Variants in HECW2 observed in about 807,000 individuals in gnomAD.
HECW2 encodes HECT, C2 and WW domain containing E3 ubiquitin protein ligase 2.
Under a neutral mutation model 175.2 loss-of-function variants are expected in HECW2, and 61 were observed. The observed-to-expected ratio is 0.35, with a 90% CI of 0.28 to 0.43. HECW2 has a LOEUF of 0.43. HECW2 is among the 20% of genes least tolerant of loss of function. The pLI, the probability that HECW2 is intolerant of heterozygous loss-of-function variation, is 1.00. For synonymous variants in HECW2, 671 were observed against 731.0 expected (o/e 0.92, Z 1.32); for missense variants, 1,524 against 2,000.5 (o/e 0.76, Z 4.54).
chr2:196,522,292 T>C (rs559269804), intron 1 of HECW2, among the ~76,000 whole-genome samples: 13 of 152,366 alleles, frequency 8.5e-5, no homozygotes, highest in Admixed American at 2.6e-4. Flanking sequence ...TTTTGAGAAG[T>C]GTCTGTTCAT....
intron 2 of HECW2, among the ~76,000 whole-genome samples, chr2:196,415,533 C>CTTCCTG (rs144634819): frequency 0.26 from 39,163 of 151,924 alleles, 5,436 homozygotes; most frequent in African/African-American, 0.35. Flanking sequence ...GTGTTTGCTG[C>CTTCCTG]TTCCTGTGGT....
intron 2 of HECW2, among the ~76,000 whole-genome samples, chr2:196,395,295 T>A (rs1327389874): frequency 1.3e-5 from 2 of 152,138 alleles, no homozygotes; most frequent in African/African-American, 2.4e-5. Context: ...TGACATTGGA[T>A]TTGGCAATGA....
At chr2:196,509,719 G>A (rs944579155) in intron 1 of HECW2, among the ~76,000 whole-genome samples, 2 of 152,168 alleles carry the variant, frequency 1.3e-5, no homozygotes, top group Admixed American at 6.5e-5. Flanking sequence ...TCAAAAGATA[G>A]TACCACATTG....
intron 1 of HECW2, among the ~76,000 whole-genome samples, chr2:196,451,727 C>T (rs1317126651): frequency 2.0e-5 from 3 of 151,886 alleles, no homozygotes; most frequent in African/African-American, 7.3e-5. Context: ...GGTGAAACCC[C>T]GTCTCTACTA....
intron 1 of HECW2, among the ~76,000 whole-genome samples, chr2:196,573,779 A>G (rs1162518219): frequency 6.6e-6 from 1 of 152,218 alleles, no homozygotes; most frequent in African/African-American, 2.4e-5. Flanking sequence ...AATAAAAGGC[A>G]TCCAACTCAT....
At chr2:196,462,055 C>T (rs10164958) in intron 1 of HECW2, among the ~76,000 whole-genome samples, 2,171 of 151,746 alleles carry the variant, frequency 0.014, 43 homozygotes, top group African/African-American at 0.05. Flanking sequence ...TGTGTGTGTG[C>T]GTATACATAT....
intron 1 of HECW2, among the ~76,000 whole-genome samples, chr2:196,553,273 G>C (rs1689665423): frequency 6.6e-6 from 1 of 152,136 alleles, no homozygotes; most frequent in African/African-American, 2.4e-5. Context: ...AGAGGTTTTG[G>C]AACCAAGTTA....
At chr2:196,378,517 A>T (rs1370128380) in intron 2 of HECW2, among the ~76,000 whole-genome samples, 1 of 152,238 alleles carries the variant, frequency 6.6e-6, no homozygotes, top group Non-Finnish European at 1.5e-5. Flanking sequence ...ACGAGTTCAT[A>T]GCAATATTAA....
intron 1 of HECW2, among the ~76,000 whole-genome samples, chr2:196,439,027 T>A (rs548984829): frequency 6.6e-6 from 1 of 152,192 alleles, no homozygotes; most frequent in East Asian, 1.9e-4. Context: ...TTCAAATATA[T>A]ACCGGTTATT....
chr2:196,227,771 A>C (rs1687906956), intron 22 of HECW2, among the ~76,000 whole-genome samples: 1 of 152,160 alleles, frequency 6.6e-6, no homozygotes, highest in Non-Finnish European at 1.5e-5. Context: ...GCTCATAGGC[A>C]CCCAAAGGTA....
intron 1 of HECW2, among the ~76,000 whole-genome samples, chr2:196,536,734 C>T (rs1414064547): frequency 1.3e-5 from 2 of 152,184 alleles, no homozygotes; most frequent in Admixed American, 1.3e-4. Context: ...GGGCTGAGAG[C>T]CACAGAGTCA....
At chr2:196,217,924 T>C (rs941788535) in intron 26 of HECW2, 3 of 152,254 alleles carry the variant, frequency 2.0e-5, no homozygotes, top group Non-Finnish European at 4.4e-5. Flanking sequence ...GAAATTATTT[T>C]AATCCAAATT....
chr2:196,547,482 G>A (rs536634826), intron 1 of HECW2, among the ~76,000 whole-genome samples: 12 of 152,278 alleles, frequency 7.9e-5, no homozygotes, highest in Non-Finnish European at 1.8e-4. Context: ...TACAAAATAG[G>A]TTGTAGGTGT....
intron 1 of HECW2, among the ~76,000 whole-genome samples, chr2:196,453,353 C>T (rs1696403856): frequency 6.6e-6 from 1 of 152,158 alleles, no homozygotes; most frequent in Non-Finnish European, 1.5e-5. Flanking sequence ...TAGTTTTAAG[C>T]ATGTGAACTA....
At chr2:196,320,567 G>A in intron 7 of HECW2, 128 bp from the exon 8 acceptor site, 1 of 578,372 alleles carries the variant, frequency 1.7e-6, no homozygotes, top group African/African-American at 1.8e-5. Context: ...AACATTAAAG[G>A]CTCAAAGCCC....
At chr2:196,342,530 TTTACTATTTTTTCAATAA>T (rs574236835) in intron 3 of HECW2, among the ~76,000 whole-genome samples, 49 of 151,598 alleles carry the variant, frequency 3.2e-4, no homozygotes, top group African/African-American at 1.1e-3. Flanking sequence ...GTACTGAGTA[TTTACTATTTTTTCAATAA>T]TATTGGTGGC....
intron 1 of HECW2, among the ~76,000 whole-genome samples, chr2:196,461,186 A>AAGGC (rs888865223): frequency 1.3e-5 from 2 of 152,094 alleles, no homozygotes; most frequent in Admixed American, 6.5e-5. Context: ...GGGAGAAAGA[A>AAGGC]AGGCAGGCAG....
At chr2:196,335,468 G>C (rs1179359575) in intron 3 of HECW2, among the ~76,000 whole-genome samples, 2 of 152,160 alleles carry the variant, frequency 1.3e-5, no homozygotes. Context: ...CTAGGCTACG[G>C]GAGGGAGTTC....
intron 23 of HECW2, among the ~76,000 whole-genome samples, chr2:196,225,250 T>C (rs969609523): frequency 1.3e-5 from 2 of 152,176 alleles, no homozygotes; most frequent in Non-Finnish European, 2.9e-5. Context: ...ACTAAGGGCA[T>C]AGAGAAAGTT....
Sources: gnomAD v4.1 joint callset for allele counts (sites outside exome capture counted in the v4.1 genomes callset) on GRCh38, gnomAD v4.1.1 for gene constraint, MANE v1.5 for transcripts, NCBI Gene and HGNC (gene_info 2026-07-23, HGNC 2026-07-21) for gene names.